The following FBXL13 variants were observed in gnomAD, a reference collection of about 807,000 sequenced individuals.
FBXL13 encodes the protein F-box and leucine-rich repeat protein 13.
FBXL13 carries 67 observed loss-of-function variants against 83.6 expected under a neutral mutation model. The ratio of observed to expected loss-of-function variants is 0.80; its 90% CI spans 0.66 to 0.98. The LOEUF is 0.98. Ranked by LOEUF, FBXL13 falls within the 50% of genes least tolerant of loss-of-function variation. The pLI is 0.00. For synonymous variants in FBXL13, 272 were observed against 299.5 expected, an observed-to-expected ratio of 0.91 and a Z score of 0.95; for missense variants, 822 against 866.5, an observed-to-expected ratio of 0.95 and a Z score of 0.64.
intron 8 of FBXL13, among the ~76,000 whole-genome samples, chr7:102,943,235 C>A (rs1821797886): frequency 6.6e-6 from 1 of 152,068 alleles, no homozygotes; most frequent in South Asian, 2.1e-4. Flanking sequence ...CAGATCACCA[C>A]CCGGCACATT....
rs2129445625 is a variant in FBXL13 at position 102,821,971 on chromosome 7, T to C, written c.2018+69A>G. 8 of 1,495,578 alleles carry C rather than the reference T, an allele frequency of 5.3e-6. No homozygotes were observed. In the South Asian group the frequency reaches 9.2e-5, roughly 17 times the overall value. 92.6% of individuals were successfully genotyped at this position (1,495,578 alleles called of 1,614,324 possible). A position where few individuals can be genotyped will look rare whatever the true frequency, so the allele number is the denominator to read the frequency against. On this transcript the variant is annotated intron_variant, in intron 19 of 19. Coordinates refer to ENST00000313221, the Ensembl canonical transcript of FBXL13. ...GAAAGCTGCTATGTATTATGAACCT[T>C]ATAGCCATATACTATGTTTTCTCAG...
chr7:102,942,384 A>G, intron 8 of FBXL13: 3 of 1,469,470 alleles, frequency 2.0e-6, no homozygotes, highest in Non-Finnish European at 2.8e-6. Context: ...ACTTTAAAAG[A>G]CGTGAATAAC....
At chr7:102,894,587 G>A (rs1812019798) in intron 11 of FBXL13, among the ~76,000 whole-genome samples, 1 of 151,834 alleles carries the variant, frequency 6.6e-6, no homozygotes, top group South Asian at 2.1e-4. Flanking sequence ...AATTAACCAG[G>A]CTTGGTAGCA....
intron 4 of FBXL13, among the ~76,000 whole-genome samples, chr7:103,027,771 A>C (rs1794101887): frequency 6.6e-6 from 1 of 152,250 alleles, no homozygotes. Context: ...GCCCTTAGAA[A>C]TTAAGATGTA....
At chr7:102,936,773 C>A (rs1290884374) in intron 8 of FBXL13, among the ~76,000 whole-genome samples, 1 of 152,246 alleles carries the variant, frequency 6.6e-6, no homozygotes, top group East Asian at 1.9e-4. Context: ...GAGAAAAATA[C>A]CATCTATACA....
In FBXL13 at chr7:103,027,304, T is replaced by C. The variant is rs78386037; in HGVS notation, c.327+145A>G. ...AGAGCAAAACTCTGTCCCAAAAAAA[T>C]AAAAATAAAAAAAAACAAGAATCCC... is the stretch of plus-strand genomic sequence containing the variant. On this transcript the variant is annotated intron_variant, in intron 5 of 19. Coordinates refer to ENST00000313221, the Ensembl canonical transcript of FBXL13. The C allele has an allele frequency of 3.8e-3, 2,162 of 573,660 alleles. 42 individuals are homozygous for C. The African/African-American group carries it at 0.038, about 10-fold the overall frequency. The allele number at this position is 573,660 out of a possible 1,614,324, so 35.5% of individuals were successfully genotyped here. A position where few individuals can be genotyped will look rare whatever the true frequency, so the allele number is the denominator to read the frequency against.
chr7:103,043,099 A>G (rs1201255904), intron 2 of FBXL13, among the ~76,000 whole-genome samples: 1 of 152,234 alleles, frequency 6.6e-6, no homozygotes, highest in African/African-American at 2.4e-5. Flanking sequence ...TCCAGAATCT[A>G]CAAAGAACTT....
chr7:102,963,810 C>T (rs891546657), intron 7 of FBXL13, 145 bp from the exon 9 acceptor site: 2 of 736,252 alleles, frequency 2.7e-6, no homozygotes, highest in Non-Finnish European at 2.1e-6. Flanking sequence ...AGACAGACAA[C>T]CTATAGAATG....
chr7:103,020,217 C>G (rs1211328860), intron 6 of FBXL13, among the ~76,000 whole-genome samples: 3 of 152,142 alleles, frequency 2.0e-5, no homozygotes, highest in Non-Finnish European at 4.4e-5. Context: ...GAACCAAAGG[C>G]AAAAACCACA....
rs563070601 is a variant in FBXL13, at chr7:103,061,892, C to T, written c.-104-6145G>A. The stretch of plus-strand genomic sequence containing the variant: ...GGCGGAGCTTGCAGTGAGCTGAGAT[C>T]GCGCCACTGCACTCCAGCCTGGGCA... On this transcript the variant is annotated intron_variant, in intron 1 of 19. Transcript: ENST00000313221. Among the ~76,000 whole-genome samples, 127 of 147,088 alleles carry T rather than the reference C, an allele frequency of 8.6e-4. 1 individual carries two copies. Among genetic ancestry groups the T allele is most frequent in the African/African-American group, 3.1e-3 (124 of 39,792 alleles).
chr7:102,924,918 C>T (rs553065241), intron 10 of FBXL13, among the ~76,000 whole-genome samples: 22 of 152,190 alleles, frequency 1.4e-4, no homozygotes, highest in Non-Finnish European at 2.9e-4. Flanking sequence ...CGTGAGCCAC[C>T]GTGCCCGGCC....
intron 11 of FBXL13, among the ~76,000 whole-genome samples, chr7:102,907,645 T>C (rs1030533712): frequency 4.6e-5 from 7 of 152,194 alleles, no homozygotes; most frequent in Non-Finnish European, 8.8e-5. Context: ...ACAAAGGACA[T>C]GAACTCATCC....
At position 103,004,621 on chromosome 7, in the gene FBXL13, G is replaced by T. The variant is rs536170004; in HGVS notation, c.495+20442C>A. Among the ~76,000 whole-genome samples, 3 of 152,342 alleles carry T rather than the reference G, an allele frequency of 2.0e-5. No individual in the cohort carries two copies. The South Asian group carries it at 6.2e-4, about 32-fold the overall frequency. ...TTCCTGCAAAGAAACTCAAGACAGTGGGGAGGCTGGCTGGCTGCCTCAATT... is the reference window on the plus strand; with the variant it reads ...TTCCTGCAAAGAAACTCAAGACAGTTGGGAGGCTGGCTGGCTGCCTCAATT... On this transcript the variant is annotated intron_variant, in intron 6 of 19. Transcript: ENST00000313221.
At chr7:102,858,292 A>T (rs893650816) in intron 16 of FBXL13, among the ~76,000 whole-genome samples, 2 of 152,002 alleles carry the variant, frequency 1.3e-5, no homozygotes, top group Non-Finnish European at 1.5e-5. Flanking sequence ...AGTGGCAGGG[A>T]GGGAGGATGG....
Position 103,014,330 on chromosome 7 carries a change from G to T in FBXL13, c.495+10733C>A, listed in dbSNP as rs543677024. Among the ~76,000 whole-genome samples, 4 of 152,208 alleles carry T rather than the reference G, an allele frequency of 2.6e-5. No homozygotes were observed. The East Asian group carries it at 5.8e-4, about 22-fold the overall frequency. On this transcript the variant is annotated intron_variant, in intron 6 of 19. Coordinates refer to ENST00000313221, the Ensembl canonical transcript of FBXL13. ...TGATCACACTACTGCACTCCAGCCTGGGTGACAGAGCAAGACCCTGTCTCA... is the reference window on the plus strand; with the variant it reads ...TGATCACACTACTGCACTCCAGCCTTGGTGACAGAGCAAGACCCTGTCTCA...
intron 2 of FBXL13, among the ~76,000 whole-genome samples, chr7:103,039,050 T>C (rs1303007066): frequency 1.6e-4 from 24 of 151,972 alleles, no homozygotes; most frequent in Admixed American, 1.6e-3. Context: ...TTCTAACCCA[T>C]CCCAAGGAAG....
intron 17 of FBXL13, among the ~76,000 whole-genome samples, chr7:102,837,942 T>C (rs1802286410): frequency 6.6e-6 from 1 of 152,262 alleles, no homozygotes; most frequent in East Asian, 1.9e-4. Flanking sequence ...GTCTAATTTA[T>C]CTTTGCCAAC....
intron 11 of FBXL13, 90 bp downstream of exon 12, chr7:102,912,996 C>T: frequency 9.0e-6 from 14 of 1,549,326 alleles, no homozygotes; most frequent in South Asian, 2.4e-5. Context: ...GGTCCGTGCA[C>T]AGCATTAGTA....
At chr7:102,960,588 A>C (rs1281820104) in intron 8 of FBXL13, among the ~76,000 whole-genome samples, 2 of 152,116 alleles carry the variant, frequency 1.3e-5, no homozygotes, top group Non-Finnish European at 2.9e-5. Context: ...ATCCTCAATA[A>C]AATACTGGCA....
Sources: gnomAD v4.1 joint callset for allele counts (sites outside exome capture counted in the v4.1 genomes callset) on GRCh38, gnomAD v4.1.1 for gene constraint, MANE v1.5 for transcripts, NCBI Gene and HGNC (gene_info 2026-07-23, HGNC 2026-07-21) for gene names.